Variants in LATS2 observed in about 807,000 individuals in gnomAD.
LATS2 encodes the protein large tumor suppressor kinase 2.
A neutral mutation model predicts 76.0 loss-of-function variants in LATS2; 24 were observed. The observed-to-expected ratio is 0.32, with a 90% CI of 0.23 to 0.44. LATS2 has a LOEUF of 0.44. Among genes scored for constraint, LATS2 ranks in the 20% least tolerant of loss-of-function variants. The pLI is 1.00. For missense variants in LATS2, 1,286 were observed against 1,481.2 expected, an observed-to-expected ratio of 0.87 and a Z score of 2.16; for synonymous variants, 692 against 635.4, an observed-to-expected ratio of 1.09 and a Z score of -1.34.
chr13:20,975,406 T>A (rs376321247), intron 7 of LATS2, 42 bp from the exon 8 acceptor site: 68 of 1,516,310 alleles, frequency 4.5e-5, no homozygotes, highest in Non-Finnish European at 5.7e-5. Flanking sequence ...TCTCCTCACA[T>A]CTTGGGCAGT....
At chr13:21,042,801 A>T (rs1872926512) in intron 2 of LATS2, among the ~76,000 whole-genome samples, 1 of 149,992 alleles carries the variant, frequency 6.7e-6, no homozygotes, top group Non-Finnish European at 1.5e-5. Context: ...ATCCTGGCTA[A>T]CACGAAACCC....
intron 3 of LATS2, 32 bp from the exon 4 acceptor site, chr13:20,989,336 GAGTGGGTGTGATC>G (rs768694273): frequency 1.2e-6 from 2 of 1,611,078 alleles, no homozygotes; most frequent in Non-Finnish European, 1.7e-6. Flanking sequence ...GACAGCATCA[GAGTGGGTGTGATC>G]AGTGGGTTCT....
At chr13:21,023,342 A>G (rs1872148610) in intron 2 of LATS2, among the ~76,000 whole-genome samples, 1 of 151,828 alleles carries the variant, frequency 6.6e-6, no homozygotes, top group Admixed American at 6.6e-5. Context: ...CTGGGACCAC[A>G]GGCGCTCGCC....
intron 2 of LATS2, among the ~76,000 whole-genome samples, chr13:21,029,535 G>A (rs1373008759): frequency 1.3e-5 from 2 of 152,220 alleles, no homozygotes; most frequent in African/African-American, 2.4e-5. Flanking sequence ...GCTCATGCCT[G>A]TAATCCCAGG....
chr13:21,018,523 C>A (rs1595237883), intron 2 of LATS2, among the ~76,000 whole-genome samples: 2 of 152,270 alleles, frequency 1.3e-5, no homozygotes, highest in East Asian at 3.9e-4. Context: ...GCAGGACCAC[C>A]CTGGCAGACC....
chr13:20,978,678 C>T (rs139747539), intron 7 of LATS2, among the ~76,000 whole-genome samples: 160 of 152,298 alleles, frequency 1.1e-3, no homozygotes, highest in African/African-American at 3.7e-3. Context: ...CTTCCTCAGC[C>T]CACTCCACAT....
chr13:21,006,790 CTTT>C (rs1289318167), intron 2 of LATS2, among the ~76,000 whole-genome samples: 1 of 152,192 alleles, frequency 6.6e-6, no homozygotes, highest in Non-Finnish European at 1.5e-5. Context: ...GTGTTTGGGA[CTTT>C]TTAAGAGAGT....
chr13:20,974,976 C>A lies in LATS2; in HGVS notation c.3161G>T (p.Arg1054Leu). The A allele has an allele frequency of 6.2e-7, 1 of 1,614,126 alleles. No homozygotes were observed. The highest frequency in any genetic ancestry group is 8.5e-7 in the Non-Finnish European group (1 of 1,180,042). Residue 1054 changes from arginine (R) to leucine (L), a missense_variant, in exon 8 of 8, where the codon CGA becomes CTA. Around this residue, in one of 5 missense-constraint regions of LATS2, gnomAD observed 210 missense variants for 234.9 expected, o/e 0.89. Coordinates refer to ENST00000382592, the MANE Select transcript of LATS2 (RefSeq NM_014572.3). Reference protein sequence around the residue: ...RFFDDNGYPFRCPKPSGAEAS... With the variant: ...RFFDDNGYPFLCPKPSGAEAS... ...TTCTGCTCCTGAAGGCTTTGGGCATCGAAAGGGGTAGCCATTGTCATCAAA... is the reference window on the plus strand; with the variant it reads ...TTCTGCTCCTGAAGGCTTTGGGCATAGAAAGGGGTAGCCATTGTCATCAAA...
intron 2 of LATS2, among the ~76,000 whole-genome samples, chr13:21,004,064 A>C (rs188970483): frequency 1.3e-5 from 2 of 152,368 alleles, no homozygotes; most frequent in Admixed American, 1.3e-4. Context: ...CGCCAATTTT[A>C]AAAAGCAGCA....
At chr13:20,983,957 G>A (rs955465346) in intron 4 of LATS2, 151 bp from the exon 5 acceptor site, 4 of 641,000 alleles carry the variant, frequency 6.2e-6, no homozygotes, top group Non-Finnish European at 1.1e-5. Context: ...ATACTACAGA[G>A]TCTCGCTCTG....
At chr13:20,976,965 C>T (rs1475365292) in intron 7 of LATS2, among the ~76,000 whole-genome samples, 9 of 152,170 alleles carry the variant, frequency 5.9e-5, no homozygotes, top group Middle Eastern at 3.4e-3. Context: ...CCAAAAGAAC[C>T]GGAAGCAGGG....
chr13:21,026,353 T>C lies in LATS2; in HGVS notation c.342+19332A>G, dbSNP rs549140337. On this transcript the variant is annotated intron_variant, in intron 2 of 7. Coordinates refer to ENST00000382592, the MANE Select transcript of LATS2 (RefSeq NM_014572.3). ...ACCATTCTCTAAACTACTAAATAAATAAAACTGTGCAGTATGTACTTTTTG... is the reference window on the plus strand; with the variant it reads ...ACCATTCTCTAAACTACTAAATAAACAAAACTGTGCAGTATGTACTTTTTG... Among the ~76,000 whole-genome samples the C allele has an allele frequency of 2.0e-5, 3 of 151,902 alleles. No individual in the cohort carries two copies. The East Asian group carries it at 5.8e-4, about 29-fold the overall frequency.
chr13:21,052,001 G>A (rs1421953422), intron 1 of LATS2, among the ~76,000 whole-genome samples: 2 of 152,108 alleles, frequency 1.3e-5, no homozygotes, highest in African/African-American at 4.8e-5. Flanking sequence ...GGTGTGCAGT[G>A]CTAAAGTGGC....
At chr13:21,042,432 G>GA (rs1872908647) in intron 2 of LATS2, among the ~76,000 whole-genome samples, 2 of 152,246 alleles carry the variant, frequency 1.3e-5, no homozygotes, top group South Asian at 4.1e-4. Context: ...GTGGTGGCTT[G>GA]AACTTATAAT....
intron 1 of LATS2, among the ~76,000 whole-genome samples, chr13:21,057,263 T>C (rs1381923439): frequency 1.3e-5 from 2 of 152,210 alleles, no homozygotes; most frequent in South Asian, 2.1e-4. Context: ...CTACAAAATA[T>C]GGGATTTTTT....
chr13:21,019,298 GTTATTATTATTA>G (rs72479904), intron 2 of LATS2, among the ~76,000 whole-genome samples: 7,351 of 144,532 alleles, frequency 0.051, 252 homozygotes, highest in South Asian at 0.073. Context: ...ACTTGGATTT[GTTATTATTATTA>G]TTATTATTAT....
chr13:21,046,125 A>G lies in LATS2; in HGVS notation c.-99T>C. The G allele has an allele frequency of 4.8e-6, 4 of 833,336 alleles. No individual in the cohort carries two copies. The Admixed American group carries it at 9.0e-5, about 19-fold the overall frequency. 51.6% of individuals were successfully genotyped at this position (833,336 alleles called of 1,614,324 possible). ...AATAGTATCAGTTTGTTGTAAACAT[A>G]CTTTCAAAATAATTTCCTTTTGAAA... is the stretch of plus-strand genomic sequence containing the variant. On this transcript the variant is annotated 5_prime_UTR_variant, in exon 2 of 8. Coordinates refer to ENST00000382592, the MANE Select transcript of LATS2 (RefSeq NM_014572.3).
At chr13:21,037,542 C>T (rs1191247822) in intron 2 of LATS2, among the ~76,000 whole-genome samples, 2 of 152,136 alleles carry the variant, frequency 1.3e-5, no homozygotes, top group Non-Finnish European at 2.9e-5. Flanking sequence ...TAGAAAGTGG[C>T]GACTAGAACA....
At chr13:21,046,260 G>T in intron 1 of LATS2, 30 bp from the exon 2 acceptor site, 1 of 428,964 alleles carries the variant, frequency 2.3e-6, no homozygotes, top group East Asian at 3.7e-5. Flanking sequence ...GGAGAGAAAT[G>T]TTCATTTGTC....
Sources: allele counts gnomAD v4.1 joint callset (sites outside exome capture counted in the v4.1 genomes callset), GRCh38; gene constraint gnomAD v4.1.1; regional missense constraint gnomAD v4.1.1; transcripts MANE v1.5; gene names NCBI Gene and HGNC (gene_info 2026-07-23, HGNC 2026-07-21).